Variants in ZNF331 observed in about 807,000 individuals in gnomAD.
ZNF331 encodes the protein zinc finger protein 331.
In ZNF331, 2 loss-of-function variants were observed where a neutral mutation model predicts 7.0. That is an observed-to-expected ratio of 0.29 (90% confidence interval 0.12 to 0.90). The LOEUF (loss-of-function observed/expected upper bound fraction) is 0.90. ZNF331 is among the 40% of genes least tolerant of loss of function. The probability of loss-of-function intolerance (pLI) is 0.58; values close to 1 mark genes in which losing one functional copy is unlikely to be tolerated. For synonymous variants in ZNF331, 196 were observed against 205.4 expected (o/e 0.95, Z 0.39); for missense variants, 432 against 587.7 (o/e 0.74, Z 2.74).
At chr19:53,556,479 A>C (rs1337744225) in intron 3 of ZNF331, among the ~76,000 whole-genome samples, 1 of 150,356 alleles carries the variant, frequency 6.7e-6, no homozygotes, top group East Asian at 1.9e-4. Flanking sequence ...AAAAGGGCAA[A>C]CTTTTTTTTT....
At chr19:53,505,409 G>T in the ZNF331 span, among the ~76,000 whole-genome samples, 1 of 152,100 alleles carries the variant, frequency 6.6e-6, no homozygotes, top group Non-Finnish European at 1.5e-5. Context: ...ATGTTTCCCA[G>T]GCTGGTCTCG....
rs922488127 is a variant in ZNF331, at chr19:53,578,174, C to T, written c.*222C>T. ...GTCATCCCTTGGTCCAGCACATCCA[C>T]GCTGTATACGCCACCCACCCTGCTA... is the stretch of plus-strand genomic sequence containing the variant. On this transcript the variant is annotated 3_prime_UTR_variant, in exon 6 of 6. Transcript: ENST00000449416. 4 of 543,654 alleles carry T rather than the reference C, an allele frequency of 7.4e-6. No individual in the cohort carries two copies. Among genetic ancestry groups the T allele is most frequent in the East Asian group, 3.2e-5 (1 of 31,112 alleles). The allele number at this position is 543,654 out of a possible 1,614,324, so 33.7% of individuals were successfully genotyped here. A position where few individuals can be genotyped will look rare whatever the true frequency, so the allele number is the denominator to read the frequency against.
Position 53,544,819 on chromosome 19 carries a change from C to T in ZNF331, c.-138+5537C>T, listed in dbSNP as rs546539810. Among the ~76,000 whole-genome samples the T allele has an allele frequency of 1.2e-3, 180 of 150,080 alleles. 2 individuals are homozygous for T. Among genetic ancestry groups the T allele is most frequent in the Non-Finnish European group, 1.4e-3 (93 of 67,976 alleles). ...CACAATCTCAGCTCACTGCAACCTC[C>T]ACCTTCTGGGTTCAAGCAATTCTCC... is the stretch of plus-strand genomic sequence containing the variant. On this transcript the variant is annotated intron_variant, in intron 2 of 5. Transcript: ENST00000449416.
At position 53,576,881 on chromosome 19, in the gene ZNF331, T is replaced by C; in HGVS notation, c.321T>C (p.Tyr107=). The stretch of plus-strand genomic sequence containing the variant: ...ATGTCAATCAGATGATCATCAATTA[T>C]GTCAAAAGACCTGCTACTAGAGAAG... The part of the protein sequence containing the change: ...GRYVNQMIIN[Y]VKRPATREGT... The change falls in exon 6 of 6, where the codon TAT becomes TAC. Residue 107 remains tyrosine, a synonymous_variant. Coordinates refer to ENST00000449416, the MANE Select transcript of ZNF331 (RefSeq NM_001079906.2). 1 of 1,614,142 alleles carries C rather than the reference T, an allele frequency of 6.2e-7. No individual in the cohort carries two copies. Among genetic ancestry groups the C allele is most frequent in the Non-Finnish European group, 8.5e-7 (1 of 1,180,030 alleles).
chr19:53,561,352 A>T (rs891149137), intron 3 of ZNF331, among the ~76,000 whole-genome samples: 1 of 141,398 alleles, frequency 7.1e-6, no homozygotes, highest in East Asian at 2.1e-4. Flanking sequence ...AAAAAAAAAA[A>T]CAAATTAGTC....
chr19:53,562,901 T>C lies in ZNF331; in HGVS notation c.-73-6403T>C, dbSNP rs541256896. ...TACTCAGGAGACTGAGGCAGGAGAA[T>C]CGCTTGAACTCGGGAGGCAGAGGTT... On this transcript the variant is annotated intron_variant, in intron 3 of 5. Transcript: ENST00000449416. Among the ~76,000 whole-genome samples, 35 of 151,648 alleles carry C rather than the reference T, an allele frequency of 2.3e-4. No individual in the cohort carries two copies. The East Asian group carries it at 6.5e-3, about 28-fold the overall frequency.
chr19:53,545,428 G>A (rs1367094863), intron 2 of ZNF331, among the ~76,000 whole-genome samples: 1 of 152,232 alleles, frequency 6.6e-6, no homozygotes, highest in Non-Finnish European at 1.5e-5. Context: ...AGCCTGTGCT[G>A]TGGCCTGCAG....
At position 53,576,890 on chromosome 19, in the gene ZNF331, A is replaced by G. The variant is rs8109631; in HGVS notation, c.330A>G (p.Arg110=). ...VNQMIINYVK[R]PATREGTPPR... is the part of the protein sequence containing the mutation. ...AGATGATCATCAATTATGTCAAAAG[A>G]CCTGCTACTAGAGAAGGCACCCCTC... The change falls in exon 6 of 6, where the codon AGA becomes AGG. Residue 110 remains arginine (R), a synonymous_variant. Transcript: ENST00000449416. 1,157,791 of 1,613,858 alleles carry G rather than the reference A, an allele frequency of 0.72. 417,751 individuals are homozygous for G. Among genetic ancestry groups the G allele is most frequent in the African/African-American group, 0.89 (66,950 of 74,976 alleles).
rs1194217835 is a variant in ZNF331 at position 53,580,110 on chromosome 19, CAAAG to C, written c.*2161_*2164del. On this transcript the variant is annotated 3_prime_UTR_variant, in exon 6 of 6. Transcript: ENST00000449416. ...AAGGCTGATTTCAGATGTCTCACCACAAAGAAGGAGGATAAGGGAGCGAGGTGAT... is the reference window on the plus strand; with the variant it reads ...AAGGCTGATTTCAGATGTCTCACCACAAGGAGGATAAGGGAGCGAGGTGAT... 1 of 211,260 alleles carries C rather than the reference CAAAG, an allele frequency of 4.7e-6. No homozygotes were observed. Among genetic ancestry groups the C allele is most frequent in the Non-Finnish European group, 9.6e-6 (1 of 104,320 alleles). 13.1% of individuals were successfully genotyped at this position (211,260 alleles called of 1,614,324 possible).
intron 5 of ZNF331, 63 bp from the exon 6 acceptor site, chr19:53,576,634 G>A: frequency 6.9e-7 from 1 of 1,445,868 alleles, no homozygotes; most frequent in Non-Finnish European, 9.3e-7. Flanking sequence ...TTTTTGGTTT[G>A]TGGTTAGGTT....
At chr19:53,543,329 A>G (rs2088314556) in intron 2 of ZNF331, among the ~76,000 whole-genome samples, 1 of 152,084 alleles carries the variant, frequency 6.6e-6, no homozygotes, top group African/African-American at 2.4e-5. Flanking sequence ...TAATGGTGCA[A>G]TCTTGGTTCA....
chr19:53,568,635 G>A (rs2090280592), intron 3 of ZNF331, among the ~76,000 whole-genome samples: 1 of 151,836 alleles, frequency 6.6e-6, no homozygotes, highest in Admixed American at 6.6e-5. Flanking sequence ...GAGGGCAAAG[G>A]CCAGACTACT....
upstream of ZNF331, among the ~76,000 whole-genome samples, chr19:53,518,328 C>T (rs59372263): frequency 4.0e-3 from 609 of 152,250 alleles, 1 homozygote; most frequent in African/African-American, 0.014. Context: ...CACAGGCTGA[C>T]GACTGCACAG....
intron 3 of ZNF331, among the ~76,000 whole-genome samples, chr19:53,556,116 G>T (rs565481258): frequency 2.0e-5 from 3 of 151,346 alleles, no homozygotes; most frequent in Admixed American, 2.0e-4. Flanking sequence ...GGTGGTGGGC[G>T]CCTGTAGTCC....
intron 3 of ZNF331, among the ~76,000 whole-genome samples, chr19:53,564,851 T>C (rs1415170701): frequency 1.3e-5 from 2 of 152,192 alleles, no homozygotes; most frequent in African/African-American, 4.8e-5. Context: ...ATAAATCAGG[T>C]CAAGGGTACA....
intron 2 of ZNF331, among the ~76,000 whole-genome samples, chr19:53,531,152 G>A (rs538293911): frequency 2.6e-5 from 4 of 152,100 alleles, no homozygotes; most frequent in Non-Finnish European, 4.4e-5. Context: ...GAAAAAGCAC[G>A]CCTTGAGAGG....
chr19:53,530,203 A>T (rs1251872503), intron 2 of ZNF331, among the ~76,000 whole-genome samples: 2 of 152,104 alleles, frequency 1.3e-5, no homozygotes, highest in Admixed American at 6.5e-5. Flanking sequence ...TTAAATGACC[A>T]GATTTTGCAA....
At chr19:53,566,788 T>A (rs2090177034) in intron 3 of ZNF331, among the ~76,000 whole-genome samples, 1 of 150,672 alleles carries the variant, frequency 6.6e-6, no homozygotes, top group Non-Finnish European at 1.5e-5. Context: ...GTGTGTTAAC[T>A]GTTTTGCATA....
chr19:53,525,872 A>C (rs773752304), intron 2 of ZNF331, among the ~76,000 whole-genome samples: 1 of 152,064 alleles, frequency 6.6e-6, no homozygotes, highest in African/African-American at 2.4e-5. Flanking sequence ...TGTTCCTGAT[A>C]TTTCAACTTT....
Sources: allele counts gnomAD v4.1 joint callset (sites outside exome capture counted in the v4.1 genomes callset), GRCh38; gene constraint gnomAD v4.1.1; transcripts MANE v1.5; gene names NCBI Gene and HGNC (gene_info 2026-07-23, HGNC 2026-07-21).